The following NUDT3 variants were observed in gnomAD, a reference collection of about 807,000 sequenced individuals.
NUDT3 encodes nudix hydrolase 3, also known as diphosphoinositol polyphosphate phosphohydrolase 1.
A neutral mutation model predicts 23.6 loss-of-function variants in NUDT3; 9 were observed. The ratio of observed to expected loss-of-function variants is 0.38; its 90% CI spans 0.23 to 0.66. NUDT3 has a LOEUF of 0.66. Among genes scored for constraint, NUDT3 ranks in the 30% least tolerant of loss-of-function variants. The probability of loss-of-function intolerance (pLI) is 0.52; values close to 1 mark genes in which losing one functional copy is unlikely to be tolerated. For missense variants in NUDT3, 172 were observed against 218.5 expected, an observed-to-expected ratio of 0.79 and a Z score of 1.34; for synonymous variants, 86 against 82.6, an observed-to-expected ratio of 1.04 and a Z score of -0.22.
chr6:34,347,977 A>AAAATAAAT (rs140070236), intron 1 of NUDT3, among the ~76,000 whole-genome samples: 37 of 151,526 alleles, frequency 2.4e-4, no homozygotes, highest in African/African-American at 8.5e-4. Context: ...GTCTACCAAA[A>AAAATAAAT]AAATAAATAA....
At chr6:34,293,186 C>G (rs1763449355) in intron 4 of NUDT3, among the ~76,000 whole-genome samples, 1 of 152,174 alleles carries the variant, frequency 6.6e-6, no homozygotes, top group Admixed American at 6.5e-5. Context: ...CTTCAGCCTC[C>G]TGAGAAGCTG....
At chr6:34,330,063 G>T (rs1764104923) in intron 2 of NUDT3, among the ~76,000 whole-genome samples, 1 of 152,200 alleles carries the variant, frequency 6.6e-6, no homozygotes, top group Non-Finnish European at 1.5e-5. Context: ...CGGACATTTG[G>T]ATTGGTTCCA....
At chr6:34,322,332 G>GCCATTCT (rs1231540674) in intron 2 of NUDT3, among the ~76,000 whole-genome samples, 2 of 151,724 alleles carry the variant, frequency 1.3e-5, no homozygotes, top group Non-Finnish European at 2.9e-5. Flanking sequence ...CCGGGTTCAC[G>GCCATTCT]CCATTCTCCT....
intron 1 of NUDT3, among the ~76,000 whole-genome samples, chr6:34,354,394 A>AACACACACACACACACACACACAC (rs370168110): frequency 3.0e-4 from 42 of 137,716 alleles, no homozygotes; most frequent in African/African-American, 1.1e-3. Context: ...GATTTCATTA[A>AACACACACACACACACACACACAC]ACACACACAC....
At chr6:34,331,764 T>C (rs1481200191) in intron 2 of NUDT3, among the ~76,000 whole-genome samples, 7 of 152,262 alleles carry the variant, frequency 4.6e-5, no homozygotes. Flanking sequence ...GTACCGACTT[T>C]GTTCCCTTGT....
chr6:34,299,981 T>C (rs1342067018), intron 2 of NUDT3, among the ~76,000 whole-genome samples: 5 of 151,980 alleles, frequency 3.3e-5, no homozygotes, highest in Non-Finnish European at 5.9e-5. Context: ...TATCCTGGTC[T>C]CAAGCAATCC....
Position 34,361,674 on chromosome 6 carries a change from T to A in NUDT3, c.100-19702A>T, listed in dbSNP as rs544443488. 2.3e-3 allele frequency among the ~76,000 whole-genome samples: 352 copies of A among 152,270 alleles called. 1 individual carries two copies. Among genetic ancestry groups the A allele is most frequent in the African/African-American group, 7.5e-3 (310 of 41,558 alleles). ...ATAAATAAGGTGTGGTACAACCACA[T>A]AAAGGAATATTATTCAGTACTCAAT... On this transcript the variant is annotated intron_variant, in intron 1 of 4. Coordinates refer to ENST00000607016, the MANE Select transcript of NUDT3 (RefSeq NM_006703.4).
intron 2 of NUDT3, among the ~76,000 whole-genome samples, chr6:34,320,151 C>T (rs1763918774): frequency 6.6e-6 from 1 of 152,158 alleles, no homozygotes; most frequent in Non-Finnish European, 1.5e-5. Flanking sequence ...TAGGCGAAAA[C>T]TCACACAAAA....
At chr6:34,348,395 T>C (rs533558877) in intron 1 of NUDT3, among the ~76,000 whole-genome samples, 18 of 151,918 alleles carry the variant, frequency 1.2e-4, no homozygotes, top group East Asian at 1.9e-4. Flanking sequence ...GTTGGGACGA[T>C]TGCTTGAGCC....
intron 1 of NUDT3, among the ~76,000 whole-genome samples, chr6:34,374,783 TG>T (rs933352083): frequency 2.0e-5 from 3 of 152,224 alleles, no homozygotes; most frequent in Non-Finnish European, 4.4e-5. Flanking sequence ...CTATGTTATC[TG>T]GGAGGCACTT....
chr6:34,313,190 AAAAAT>A (rs1392779761), intron 2 of NUDT3, among the ~76,000 whole-genome samples: 1 of 152,170 alleles, frequency 6.6e-6, no homozygotes, highest in Non-Finnish European at 1.5e-5. Context: ...AAAAAACCAG[AAAAAT>A]AAAATAAAGA....
intron 1 of NUDT3, among the ~76,000 whole-genome samples, chr6:34,346,020 T>C (rs1581879612): frequency 6.6e-6 from 1 of 151,802 alleles, no homozygotes; most frequent in African/African-American, 2.4e-5. Context: ...CCGCCCGCCT[T>C]GGCCTCCCAA....
chr6:34,367,351 G>A (rs564202447), intron 1 of NUDT3, among the ~76,000 whole-genome samples: 2 of 151,946 alleles, frequency 1.3e-5, no homozygotes, highest in Admixed American at 6.6e-5. Context: ...GTGTGGTGGC[G>A]TGTGCCTGCG....
intron 2 of NUDT3, among the ~76,000 whole-genome samples, chr6:34,304,514 T>C (rs1763647777): frequency 6.6e-6 from 1 of 152,150 alleles, no homozygotes; most frequent in African/African-American, 2.4e-5. Flanking sequence ...CTCCTCTAAA[T>C]AGTCTTCAAG....
intron 1 of NUDT3, among the ~76,000 whole-genome samples, chr6:34,382,578 G>A (rs1765038354): frequency 6.6e-6 from 1 of 151,252 alleles, no homozygotes; most frequent in Non-Finnish European, 1.5e-5. Context: ...GGTCAAGGCA[G>A]GAGGGCTGCT....
At chr6:34,370,107 T>C (rs1465396538) in intron 1 of NUDT3, among the ~76,000 whole-genome samples, 1 of 152,204 alleles carries the variant, frequency 6.6e-6, no homozygotes, top group Non-Finnish European at 1.5e-5. Context: ...TTACTCAAAA[T>C]CCAAACAGAT....
At chr6:34,298,454 G>C (rs1763548441) in intron 2 of NUDT3, among the ~76,000 whole-genome samples, 1 of 148,310 alleles carries the variant, frequency 6.7e-6, no homozygotes. Context: ...GATTCACTCT[G>C]TGTCAGATGC....
chr6:34,363,817 G>A (rs570132629), intron 1 of NUDT3, among the ~76,000 whole-genome samples: 5 of 151,190 alleles, frequency 3.3e-5, no homozygotes, highest in African/African-American at 1.2e-4. Flanking sequence ...CTGTCACCCA[G>A]GCTGGAGTGC....
chr6:34,367,148 T>C (rs989629924), intron 1 of NUDT3, among the ~76,000 whole-genome samples: 2 of 152,102 alleles, frequency 1.3e-5, no homozygotes, highest in African/African-American at 4.8e-5. Context: ...CCTCCCAAAA[T>C]GCTGGGATTA....
Sources: allele counts gnomAD v4.1 joint callset (sites outside exome capture counted in the v4.1 genomes callset), GRCh38; gene constraint gnomAD v4.1.1; transcripts MANE v1.5; gene names NCBI Gene and HGNC (gene_info 2026-07-23, HGNC 2026-07-21).